Variants in ANKRD13B observed in about 807,000 individuals in gnomAD.
ANKRD13B encodes the protein ankyrin repeat domain-containing protein 13B.
A neutral mutation model predicts 74.4 loss-of-function variants in ANKRD13B; 33 were observed. The ratio of observed to expected loss-of-function variants is 0.44; its 90% CI spans 0.34 to 0.59. The LOEUF (loss-of-function observed/expected upper bound fraction) is 0.59, where lower values mean the gene tolerates loss of function less well. ANKRD13B is among the 20% of genes least tolerant of loss of function. The pLI, the probability that ANKRD13B is intolerant of heterozygous loss-of-function variation, is 0.02. For missense variants in ANKRD13B, 676 were observed against 877.9 expected (o/e 0.77, Z 2.91); for synonymous variants, 341 against 362.9 (o/e 0.94, Z 0.68).
intron 1 of ANKRD13B, among the ~76,000 whole-genome samples, chr17:29,602,532 G>A (rs951920061): frequency 1.3e-5 from 2 of 152,108 alleles, no homozygotes; most frequent in Non-Finnish European, 1.5e-5. Flanking sequence ...TGGTGACTGG[G>A]CCACAACCCT....
intron 1 of ANKRD13B, among the ~76,000 whole-genome samples, chr17:29,595,453 C>G (rs2033920620): frequency 1.3e-5 from 2 of 152,184 alleles, no homozygotes; most frequent in Admixed American, 1.3e-4. Context: ...GGTGGGTGGT[C>G]CTTTTACTGC....
intron 7 of ANKRD13B, among the ~76,000 whole-genome samples, chr17:29,610,375 A>G (rs1251251434): frequency 6.6e-6 from 1 of 152,092 alleles, no homozygotes; most frequent in Non-Finnish European, 1.5e-5. Flanking sequence ...CCATGCTGTT[A>G]TAACTCCATT....
chr17:29,612,589 T>G lies in ANKRD13B; in HGVS notation c.1411+35T>G. Reference sequence around the variant, plus strand: ...CCCGCGAGAACGCCTGCCCCTCGGCTCTCCCCGGGGTGGGTGGGAGGGGCG... The same window carrying G: ...CCCGCGAGAACGCCTGCCCCTCGGCGCTCCCCGGGGTGGGTGGGAGGGGCG... On this transcript the variant is annotated intron_variant, in intron 12 of 14. Coordinates refer to ENST00000394859, the MANE Select transcript of ANKRD13B (RefSeq NM_152345.5). The surrounding 1 kb of genome is among the most constrained non-coding windows in gnomAD (Gnocchi z 6.1). 8.2e-6 allele frequency: 3 copies of G among 365,434 alleles called. No homozygotes were observed. Among genetic ancestry groups the G allele is most frequent in the Non-Finnish European group, 1.3e-5 (3 of 235,990 alleles). The allele number at this position is 365,434 out of a possible 1,614,324, so 22.6% of individuals were successfully genotyped here.
At chr17:29,607,487 C>T (rs2034429779) in intron 1 of ANKRD13B, among the ~76,000 whole-genome samples, 1 of 152,238 alleles carries the variant, frequency 6.6e-6, no homozygotes, top group Admixed American at 6.5e-5. Flanking sequence ...AGGGAGGAAG[C>T]CCTCCCTCTT....
intron 1 of ANKRD13B, among the ~76,000 whole-genome samples, chr17:29,606,048 G>C (rs2034360392): frequency 6.6e-6 from 1 of 151,818 alleles, no homozygotes. Context: ...GATTAGCTGG[G>C]ATTACAGGCA....
At chr17:29,610,190 TAAA>T (rs770944356) in intron 7 of ANKRD13B, among the ~76,000 whole-genome samples, 5 of 95,490 alleles carry the variant, frequency 5.2e-5, no homozygotes, top group Admixed American at 1.2e-4. Context: ...AGACTCCATC[TAAA>T]AAAAAAAAAA....
At chr17:29,607,327 C>T (rs1359382117) in intron 1 of ANKRD13B, among the ~76,000 whole-genome samples, 1 of 152,196 alleles carries the variant, frequency 6.6e-6, no homozygotes, top group Non-Finnish European at 1.5e-5. Context: ...CTGAAGGTGG[C>T]CTGGGACCCT....
intron 14 of ANKRD13B, 98 bp downstream of exon 14, chr17:29,613,061 C>G (rs1567796719): frequency 2.9e-5 from 42 of 1,463,368 alleles, no homozygotes; most frequent in Non-Finnish European, 3.8e-5. Context: ...TCGGCAGGGA[C>G]CCTCCTGGTA....
At position 29,609,313 on chromosome 17, in the gene ANKRD13B, C is replaced by T. The variant is rs374823174; in HGVS notation, c.755+38C>T. 1.4e-5 allele frequency: 23 copies of T among 1,612,936 alleles called. No individual in the cohort carries two copies. Among genetic ancestry groups the T allele is most frequent in the African/African-American group, 5.3e-5 (4 of 74,920 alleles). ...GGCCTTGGTCACCCTTGAGCCAGCC[C>T]GGTGGGGTGCCTGCCTCACCTGGAC... On this transcript the variant is annotated intron_variant, in intron 6 of 14. Transcript: ENST00000394859. This position sits in a 1 kb window ranked among gnomAD's most constrained non-coding sequence, Gnocchi z 4.0.
At chr17:29,595,495 GAA>G (rs2033921601) in intron 1 of ANKRD13B, among the ~76,000 whole-genome samples, 1 of 152,146 alleles carries the variant, frequency 6.6e-6, no homozygotes, top group Non-Finnish European at 1.5e-5. Flanking sequence ...TGCCCTGGGA[GAA>G]AAGACTTCTC....
intron 14 of ANKRD13B, 38 bp downstream of exon 14, chr17:29,613,001 G>GGA (rs1567796624): frequency 6.3e-7 from 1 of 1,579,812 alleles, no homozygotes. Context: ...CCTCCGGAGA[G>GGA]GATCCTGTCT....
Position 29,612,385 on chromosome 17 carries a change from G to C in ANKRD13B, c.1259-17G>C, listed in dbSNP as rs1413448741. 6.2e-7 allele frequency: 1 copy of C among 1,612,706 alleles called. No homozygotes were observed. The highest frequency in any genetic ancestry group is 1.3e-5 in the African/African-American group (1 of 74,886). ...GAGGGGCTGAGTGGTGGCGCCTAAAGGTTTCCTCATCCTCAGAAATCCCGA... is the reference window on the plus strand; with the variant it reads ...GAGGGGCTGAGTGGTGGCGCCTAAACGTTTCCTCATCCTCAGAAATCCCGA... On this transcript the variant is annotated splice_polypyrimidine_tract_variant and intron_variant, in intron 11 of 14. Transcript: ENST00000394859. The surrounding 1 kb of genome is among the most constrained non-coding windows in gnomAD (Gnocchi z 6.1).
intron 7 of ANKRD13B, among the ~76,000 whole-genome samples, chr17:29,610,148 C>T (rs114300952): frequency 0.036 from 5,447 of 150,962 alleles, 148 homozygotes; most frequent in African/African-American, 0.063. Flanking sequence ...GCAGCGATCC[C>T]GCCACAGCAC....
At chr17:29,593,797 G>T in intron 1 of ANKRD13B, 62 bp downstream of exon 1, 2 of 1,060,516 alleles carry the variant, frequency 1.9e-6, no homozygotes, top group Non-Finnish European at 2.5e-6. Flanking sequence ...CCGGCCTGGG[G>T]AGGGGGTGCG....
intron 1 of ANKRD13B, among the ~76,000 whole-genome samples, chr17:29,604,953 C>T (rs1044873582): frequency 1.3e-5 from 2 of 152,210 alleles, no homozygotes; most frequent in East Asian, 1.9e-4. Context: ...AAATATGCAT[C>T]TCCACTCTAG....
chr17:29,605,415 AACAC>A (rs35418248), intron 1 of ANKRD13B, among the ~76,000 whole-genome samples: 115 of 149,552 alleles, frequency 7.7e-4, no homozygotes, highest in South Asian at 4.6e-3. Flanking sequence ...TACACACACA[AACAC>A]ACACACACAC....
rs1421169810 is a variant in ANKRD13B at position 29,593,558 on chromosome 17, C to T, written c.-64C>T. 5 of 812,358 alleles carry T rather than the reference C, an allele frequency of 6.2e-6. No homozygotes were observed. Among genetic ancestry groups the T allele is most frequent in the Non-Finnish European group, 7.6e-6 (5 of 654,724 alleles). The allele number at this position is 812,358 out of a possible 1,614,324, so 50.3% of individuals were successfully genotyped here. A position where few individuals can be genotyped will look rare whatever the true frequency, so the allele number is the denominator to read the frequency against. On this transcript the variant is annotated 5_prime_UTR_variant, in exon 1 of 15. Transcript: ENST00000394859. The stretch of plus-strand genomic sequence containing the variant: ...GGCCCCCCGCCCCGCGGCCCCGGGC[C>T]CCGGCTCCGGCGCCGTCCCTCCTCC...
chr17:29,595,389 A>T (rs908773811), intron 1 of ANKRD13B, among the ~76,000 whole-genome samples: 1 of 152,238 alleles, frequency 6.6e-6, no homozygotes, highest in Non-Finnish European at 1.5e-5. Context: ...TCCAAGGATC[A>T]CTAGGCAGAA....
rs2034700045 is a variant in ANKRD13B, at chr17:29,613,758, C to T, written c.*176C>T. 3 of 1,073,882 alleles carry T rather than the reference C, an allele frequency of 2.8e-6. No individual in the cohort carries two copies. In the Admixed American group the frequency reaches 1.2e-4, roughly 43 times the overall value. The allele number at this position is 1,073,882 out of a possible 1,614,324, so 66.5% of individuals were successfully genotyped here. A position where few individuals can be genotyped will look rare whatever the true frequency, so the allele number is the denominator to read the frequency against. On this transcript the variant is annotated 3_prime_UTR_variant, in exon 15 of 15. Coordinates refer to ENST00000394859, the MANE Select transcript of ANKRD13B (RefSeq NM_152345.5). ...AGGGATTCGGCATGGCCGCGGGGTA[C>T]CTTCCCAGGCCAGGGCCCTGGAGGC... is the stretch of plus-strand genomic sequence containing the variant.
Sources: gnomAD v4.1 joint callset for allele counts (sites outside exome capture counted in the v4.1 genomes callset) on GRCh38, gnomAD v4.1.1 for gene constraint, Gnocchi (gnomAD v3.1) non-coding constraint, MANE v1.5 for transcripts, NCBI Gene and HGNC (gene_info 2026-07-23, HGNC 2026-07-21) for gene names.